RFX7: variants seen among roughly 807,000 people sequenced by gnomAD.
The protein encoded by RFX7 is DNA-binding protein RFX7.
RFX7 carries 26 observed loss-of-function variants against 111.8 expected under a neutral mutation model. That is an observed-to-expected ratio of 0.23 (90% CI 0.17 to 0.32). The LOEUF (loss-of-function observed/expected upper bound fraction) is 0.32. RFX7 is among the 10% of genes least tolerant of loss of function. The pLI is 1.00. For synonymous variants in RFX7, 624 were observed against 624.4 expected (o/e 1.00, Z 0.01); for missense variants, 1,573 against 1,772.9 (o/e 0.89, Z 2.02).
intron 5 of RFX7, among the ~76,000 whole-genome samples, chr15:56,116,459 C>CT (rs2042010072): frequency 6.6e-6 from 1 of 152,150 alleles, no homozygotes; most frequent in Admixed American, 6.5e-5. Flanking sequence ...CTCAATTTTA[C>CT]TTTTCTGCAT....
chr15:56,227,912 A>G (rs1448250328), intron 2 of RFX7, among the ~76,000 whole-genome samples: 2 of 152,044 alleles, frequency 1.3e-5, no homozygotes, highest in African/African-American at 4.8e-5. Context: ...ACAAATTCCA[A>G]GTTTTGTTTC....
At chr15:56,150,734 G>T (rs2042557899) in intron 3 of RFX7, among the ~76,000 whole-genome samples, 1 of 152,180 alleles carries the variant, frequency 6.6e-6, no homozygotes, top group South Asian at 2.1e-4. Flanking sequence ...ACTGACAAAA[G>T]TAGGCTTCAG....
intron 2 of RFX7, among the ~76,000 whole-genome samples, chr15:56,186,524 C>T (rs1000952906): frequency 2.0e-5 from 3 of 152,070 alleles, no homozygotes; most frequent in South Asian, 2.1e-4. Context: ...AGTTTATGTC[C>T]GGAGTGTGGG....
chr15:56,110,387 C>A (rs867830118), intron 5 of RFX7, among the ~76,000 whole-genome samples: 15 of 111,084 alleles, frequency 1.4e-4, no homozygotes, highest in African/African-American at 4.9e-4. Context: ...GTCAGCCCCC[C>A]GCCCGGCCAG....
intron 2 of RFX7, among the ~76,000 whole-genome samples, chr15:56,231,304 T>C (rs948140624): frequency 1.3e-5 from 2 of 152,176 alleles, no homozygotes; most frequent in Admixed American, 6.5e-5. Flanking sequence ...GTTAAAGACA[T>C]ACCTGAGACT....
intron 3 of RFX7, among the ~76,000 whole-genome samples, chr15:56,172,326 A>C (rs1179548839): frequency 1.3e-5 from 2 of 152,206 alleles, no homozygotes; most frequent in African/African-American, 2.4e-5. Flanking sequence ...AAAGGGAAGA[A>C]GATACAGTGG....
At chr15:56,147,101 G>T (rs1201702050) in intron 3 of RFX7, among the ~76,000 whole-genome samples, 8 of 152,212 alleles carry the variant, frequency 5.3e-5, no homozygotes, top group African/African-American at 1.9e-4. Context: ...TAAATGATAA[G>T]AATTAAAAGT....
At chr15:56,179,207 A>C (rs1034934296) in intron 3 of RFX7, 63 bp downstream of exon 3, 1 of 751,582 alleles carries the variant, frequency 1.3e-6, no homozygotes, top group Admixed American at 3.8e-5. Flanking sequence ...TGAAAACTGT[A>C]TATTTTATAT....
chr15:56,231,959 T>C (rs969350953), intron 2 of RFX7, among the ~76,000 whole-genome samples: 1 of 152,224 alleles, frequency 6.6e-6, no homozygotes, highest in African/African-American at 2.4e-5. Flanking sequence ...TTTGACTCCA[T>C]GTCTCACATC....
intron 3 of RFX7, among the ~76,000 whole-genome samples, chr15:56,169,246 G>A (rs765752887): frequency 6.6e-6 from 1 of 152,168 alleles, no homozygotes; most frequent in Non-Finnish European, 1.5e-5. Flanking sequence ...GCTTTAGCCA[G>A]GTGATTCCAA....
chr15:56,224,467 T>TTGTG (rs58795247), intron 2 of RFX7, among the ~76,000 whole-genome samples: 15,704 of 147,164 alleles, frequency 0.11, 1,094 homozygotes, highest in African/African-American at 0.2. Context: ...GATTAGGATT[T>TTGTG]TGTGTGTGTG....
chr15:56,188,895 C>T (rs2043070466), intron 2 of RFX7, among the ~76,000 whole-genome samples: 1 of 152,054 alleles, frequency 6.6e-6, no homozygotes, highest in African/African-American at 2.4e-5. Flanking sequence ...TGCAGTGGTG[C>T]GATCTCGGCT....
chr15:56,236,002 A>T (rs2043619088), intron 2 of RFX7, among the ~76,000 whole-genome samples: 1 of 152,188 alleles, frequency 6.6e-6, no homozygotes, highest in Admixed American at 6.5e-5. Context: ...TTCTGCACTC[A>T]GGAAAAAAGC....
intron 2 of RFX7, among the ~76,000 whole-genome samples, chr15:56,203,583 G>C (rs1458381731): frequency 2.6e-5 from 4 of 152,126 alleles, no homozygotes; most frequent in Non-Finnish European, 5.9e-5. Context: ...GTATGAGATG[G>C]GAGGTCAGCA....
intron 2 of RFX7, among the ~76,000 whole-genome samples, chr15:56,187,352 A>C (rs2043052342): frequency 6.6e-6 from 1 of 152,018 alleles, no homozygotes; most frequent in African/African-American, 2.4e-5. Flanking sequence ...CTGGGATTAC[A>C]GGCGCATGTT....
chr15:56,142,019 C>T (rs1311186212), intron 5 of RFX7, among the ~76,000 whole-genome samples: 3 of 152,044 alleles, frequency 2.0e-5, no homozygotes, highest in Non-Finnish European at 4.4e-5. Context: ...AGCAATAGCA[C>T]TTATTTGACA....
At chr15:56,207,788 C>T (rs12591236) in intron 2 of RFX7, among the ~76,000 whole-genome samples, 19,864 of 151,886 alleles carry the variant, frequency 0.13, 1,674 homozygotes, top group East Asian at 0.43. Flanking sequence ...GATAAAAAGC[C>T]GAAAAAAACT....
chr15:56,201,768 T>G (rs1292880370), intron 2 of RFX7, among the ~76,000 whole-genome samples: 5 of 152,140 alleles, frequency 3.3e-5, no homozygotes, highest in Non-Finnish European at 5.9e-5. Flanking sequence ...TGGTGGCTCA[T>G]GCCTGTAATC....
intron 2 of RFX7, among the ~76,000 whole-genome samples, chr15:56,192,122 C>T (rs2043106344): frequency 6.6e-6 from 1 of 152,092 alleles, no homozygotes; most frequent in Admixed American, 6.5e-5. Flanking sequence ...TTAGAAAATA[C>T]ACAGAAATAA....
Sources: gnomAD v4.1 joint callset for allele counts (sites outside exome capture counted in the v4.1 genomes callset) on GRCh38, gnomAD v4.1.1 for gene constraint, MANE v1.5 for transcripts, NCBI Gene and HGNC (gene_info 2026-07-23, HGNC 2026-07-21) for gene names.